The following CTNNA3 variants were observed in gnomAD, a reference collection of about 807,000 sequenced individuals.
The protein encoded by CTNNA3 is catenin alpha 3, also known as catenin alpha-3.
In CTNNA3, 76 loss-of-function variants were observed where a neutral mutation model predicts 95.7. The observed-to-expected ratio is 0.79, with a 90% CI of 0.66 to 0.96. The LOEUF (loss-of-function observed/expected upper bound fraction) is 0.96. CTNNA3 is among the 40% of genes least tolerant of loss of function. The pLI is 0.00. For missense variants in CTNNA3, 1,191 were observed against 1,089.8 expected, an observed-to-expected ratio of 1.09 and a Z score of -1.31; for synonymous variants, 431 against 374.4, an observed-to-expected ratio of 1.15 and a Z score of -1.74.
Position 67,235,051 on chromosome 10 carries a change from G to A in CTNNA3, c.580-15181C>T, listed in dbSNP as rs1323431891. 9.3e-5 allele frequency among the ~76,000 whole-genome samples: 14 copies of A among 151,160 alleles called. No homozygotes were observed. The East Asian group carries it at 9.7e-4, about 11-fold the overall frequency. On this transcript the variant is annotated intron_variant, in intron 5 of 17. Coordinates refer to ENST00000433211, the MANE Select transcript of CTNNA3 (RefSeq NM_013266.4). ...ATGGAAGAACATTCCATGCTCATGG[G>A]TAGGAAGAATCAATATCGTGAAAAT...
At chr10:66,276,443 G>A (rs900229246) in intron 13 of CTNNA3, among the ~76,000 whole-genome samples, 3 of 151,906 alleles carry the variant, frequency 2.0e-5, no homozygotes, top group African/African-American at 7.3e-5. Context: ...TCCATTTGTG[G>A]TTAAATGTCT....
At chr10:66,264,520 A>G (rs2091098664) in intron 13 of CTNNA3, among the ~76,000 whole-genome samples, 1 of 152,012 alleles carries the variant, frequency 6.6e-6, no homozygotes, top group South Asian at 2.1e-4. Context: ...TATTTGGTTA[A>G]AATATATTAT....
At position 67,518,366 on chromosome 10, in the gene CTNNA3, C is replaced by T. The variant is rs1465857988; in HGVS notation, c.579+3476G>A. On this transcript the variant is annotated intron_variant, in intron 5 of 17. Coordinates refer to ENST00000433211, the MANE Select transcript of CTNNA3 (RefSeq NM_013266.4). Reference sequence around the variant, plus strand: ...AATGATTTAAGTATGTAAAATGAAACGGGCTGTACATTCTAAATACGAAGT... The same window carrying T: ...AATGATTTAAGTATGTAAAATGAAATGGGCTGTACATTCTAAATACGAAGT... Among the ~76,000 whole-genome samples, 9 of 152,180 alleles carry T rather than the reference C, an allele frequency of 5.9e-5. No homozygotes were observed. The East Asian group carries it at 9.7e-4, about 16-fold the overall frequency.
chr10:67,018,794 T>C (rs1233546994), intron 7 of CTNNA3, among the ~76,000 whole-genome samples: 1 of 152,372 alleles, frequency 6.6e-6, no homozygotes, highest in African/African-American at 2.4e-5. Context: ...AAACAGTTCA[T>C]GGAAGGTGTT....
At chr10:66,576,831 C>T (rs1171922412) in intron 10 of CTNNA3, among the ~76,000 whole-genome samples, 1 of 151,394 alleles carries the variant, frequency 6.6e-6, no homozygotes, top group African/African-American at 2.4e-5. Flanking sequence ...GATTTATTTT[C>T]CTTTGGGTGT....
At position 67,511,940 on chromosome 10, in the gene CTNNA3, C is replaced by T. The variant is rs554209457; in HGVS notation, c.579+9902G>A. Among the ~76,000 whole-genome samples, 179 of 151,996 alleles carry T rather than the reference C, an allele frequency of 1.2e-3. 1 individual carries two copies. Among genetic ancestry groups the T allele is most frequent in the Non-Finnish European group, 2.1e-3 (144 of 67,970 alleles). Reference sequence around the variant, plus strand: ...TAGTCTTGGGAGGGTGTATGTGTCCCGGAATTTATCCATTTCTTCTAGATT... The same window carrying T: ...TAGTCTTGGGAGGGTGTATGTGTCCTGGAATTTATCCATTTCTTCTAGATT... On this transcript the variant is annotated intron_variant, in intron 5 of 17. Coordinates refer to ENST00000433211, the MANE Select transcript of CTNNA3 (RefSeq NM_013266.4).
At chr10:66,033,973 A>C (rs1025213105) in intron 15 of CTNNA3, among the ~76,000 whole-genome samples, 4 of 152,214 alleles carry the variant, frequency 2.6e-5, no homozygotes, top group Admixed American at 2.0e-4. Flanking sequence ...TCAGTTATGA[A>C]GATATTTTCT....
intron 12 of CTNNA3, among the ~76,000 whole-genome samples, chr10:66,331,338 G>GCTTGCTTGCTTTT (rs1417713676): frequency 1.0e-4 from 4 of 39,110 alleles, no homozygotes; most frequent in African/African-American, 2.9e-4. Flanking sequence ...TTTCCCCATT[G>GCTTGCTTGCTTTT]TTTGTTTTTT....
intron 9 of CTNNA3, among the ~76,000 whole-genome samples, chr10:66,624,490 C>T (rs1844863557): frequency 6.6e-6 from 1 of 152,040 alleles, no homozygotes; most frequent in South Asian, 2.1e-4. Flanking sequence ...ATATGTCTGA[C>T]CCAAGAGCCA....
At chr10:65,988,982 C>T (rs1450271881) in intron 15 of CTNNA3, among the ~76,000 whole-genome samples, 185 bp from the exon 16 acceptor site, 3 of 152,156 alleles carry the variant, frequency 2.0e-5, no homozygotes, top group Non-Finnish European at 4.4e-5. Context: ...CACTCTGTCG[C>T]CAAGCTTGAG....
chr10:67,574,716 G>C (rs1378823885), intron 3 of CTNNA3, among the ~76,000 whole-genome samples: 2 of 151,736 alleles, frequency 1.3e-5, no homozygotes, highest in Non-Finnish European at 2.9e-5. Flanking sequence ...GACAAGCTGG[G>C]ACTACAGGCA....
chr10:66,130,525 G>A (rs1317399890), intron 13 of CTNNA3, among the ~76,000 whole-genome samples: 1 of 151,784 alleles, frequency 6.6e-6, no homozygotes, highest in South Asian at 2.1e-4. Flanking sequence ...AACAGAAAGG[G>A]GAATATTACT....
chr10:67,605,180 A>G (rs1371356873), intron 3 of CTNNA3, among the ~76,000 whole-genome samples: 1 of 152,272 alleles, frequency 6.6e-6, no homozygotes, highest in East Asian at 1.9e-4. Flanking sequence ...ATTGGTCTAT[A>G]TATACAAAGG....
intron 16 of CTNNA3, among the ~76,000 whole-genome samples, chr10:65,969,593 T>A (rs1292354458): frequency 6.6e-6 from 1 of 152,188 alleles, no homozygotes; most frequent in East Asian, 1.9e-4. Context: ...TCAGAGATTC[T>A]GGAATTAAAA....
At chr10:66,427,202 G>T (rs1307275348) in intron 11 of CTNNA3, among the ~76,000 whole-genome samples, 1 of 151,976 alleles carries the variant, frequency 6.6e-6, no homozygotes. Flanking sequence ...TTGAATCATG[G>T]AGGTAAACAC....
intron 15 of CTNNA3, among the ~76,000 whole-genome samples, chr10:66,023,067 C>A (rs962645514): frequency 7.1e-6 from 1 of 141,726 alleles, no homozygotes; most frequent in African/African-American, 2.6e-5. Context: ...AGAATTCGAA[C>A]ACCTCACGGA....
intron 1 of CTNNA3, among the ~76,000 whole-genome samples, chr10:67,739,074 T>C (rs1175817488): frequency 6.6e-6 from 1 of 152,022 alleles, no homozygotes; most frequent in Non-Finnish European, 1.5e-5. Flanking sequence ...AACATTCAAA[T>C]TCAGGAAATA....
At chr10:66,450,911 C>A (rs993328724) in intron 11 of CTNNA3, among the ~76,000 whole-genome samples, 6 of 152,114 alleles carry the variant, frequency 3.9e-5, no homozygotes, top group African/African-American at 1.4e-4. Context: ...CATAAGACTA[C>A]AAACATTTTT....
chr10:67,386,432 C>T (rs1844165957), intron 5 of CTNNA3, among the ~76,000 whole-genome samples: 1 of 152,180 alleles, frequency 6.6e-6, no homozygotes, highest in Non-Finnish European at 1.5e-5. Flanking sequence ...CTCTAACATA[C>T]CACATACCAC....
Sources: gnomAD v4.1 joint callset for allele counts (sites outside exome capture counted in the v4.1 genomes callset) on GRCh38, gnomAD v4.1.1 for gene constraint, MANE v1.5 for transcripts, NCBI Gene and HGNC (gene_info 2026-07-23, HGNC 2026-07-21) for gene names.